The following PLCD3 variants were observed in gnomAD, a reference collection of about 807,000 sequenced individuals.
PLCD3 encodes phospholipase C delta 3, also known as 1-phosphatidylinositol 4,5-bisphosphate phosphodiesterase delta-3.
Under a neutral mutation model 82.8 loss-of-function variants are expected in PLCD3, and 62 were observed. The observed-to-expected ratio is 0.75, with a 90% confidence interval of 0.61 to 0.93. PLCD3 has a LOEUF of 0.93. Among genes scored for constraint, PLCD3 ranks in the 40% least tolerant of loss-of-function variants. The pLI is 0.00. For missense variants in PLCD3, 1,023 were observed against 1,103.4 expected, an observed-to-expected ratio of 0.93 and a Z score of 1.03; for synonymous variants, 478 against 471.8, an observed-to-expected ratio of 1.01 and a Z score of -0.17.
Position 45,109,917 on chromosome 17 carries a change from AAC to A in PLCD3, c.*2697_*2698del, listed in dbSNP as rs1337120112. 2.6e-5 allele frequency: 4 copies of A among 151,938 alleles called. No homozygotes were observed. The highest frequency in any genetic ancestry group is 5.9e-5 in the Non-Finnish European group (4 of 68,038). 9.4% of individuals were successfully genotyped at this position (151,938 alleles called of 1,614,324 possible). On this transcript the variant is annotated 3_prime_UTR_variant, in exon 15 of 15. Coordinates refer to ENST00000619929, the MANE Select transcript of PLCD3 (RefSeq NM_133373.5). ...ACTATGAAACCCTGTCTCTACTAAA[AAC>A]ACAAAAAAATTAGCCGGGCATGGTG...
chr17:45,121,450 T>A (rs2054340355), intron 1 of PLCD3, 78 bp from the exon 2 acceptor site: 3 of 1,414,232 alleles, frequency 2.1e-6, no homozygotes, highest in African/African-American at 3.0e-5. Context: ...TAGGACCTGC[T>A]GCCCCATCCT....
Position 45,128,787 on chromosome 17 carries a change from A to C in PLCD3, c.163+3461T>G, listed in dbSNP as rs138291949. 1.8e-3 allele frequency among the ~76,000 whole-genome samples: 268 copies of C among 152,368 alleles called. 4 individuals are homozygous for C. The East Asian group carries it at 0.049, about 28-fold the overall frequency. ...TAATTTTTTAGTATAAATACATTCCATATTCCGCATTTAGCGGAATTCCAA... is the reference window on the plus strand; with the variant it reads ...TAATTTTTTAGTATAAATACATTCCCTATTCCGCATTTAGCGGAATTCCAA... On this transcript the variant is annotated intron_variant, in intron 1 of 14. Transcript: ENST00000619929.
In PLCD3 at chr17:45,115,159, G is replaced by A. The variant is rs369713593; in HGVS notation, c.1646C>T (p.Ala549Val). 8 of 1,598,458 alleles carry A rather than the reference G, an allele frequency of 5.0e-6. No individual in the cohort carries two copies. In the African/African-American group the frequency reaches 9.4e-5, roughly 19 times the overall value. The change falls in exon 10 of 15, where the codon GCC becomes GTC. Residue 549 changes from alanine (A) to valine (V), a missense_variant. Coordinates refer to ENST00000619929, the MANE Select transcript of PLCD3 (RefSeq NM_133373.5). ...GGAGCTGACCTGGCAGGGTTGTGGG[G>A]CGTTGGGGGCAGGGTGCAGGGTCCG... ...RLRTLHPAPN[A>V]PQPCQVSSLS... is the part of the protein sequence containing the mutation.
In PLCD3 at chr17:45,111,262, C is replaced by G. The variant is rs967056522; in HGVS notation, c.*1354G>C. 6.6e-6 allele frequency: 1 copy of G among 152,172 alleles called. No homozygotes were observed. Among genetic ancestry groups the G allele is most frequent in the African/African-American group, 2.4e-5 (1 of 41,434 alleles). The allele number at this position is 152,172 out of a possible 1,614,324, so 9.4% of individuals were successfully genotyped here. A position where few individuals can be genotyped will look rare whatever the true frequency, so the allele number is the denominator to read the frequency against. ...GGGAAGCCCGTGTCCTTGGGATTTGCCCTACTGAGCAGACAGGGGCCTTGA... is the reference window on the plus strand; with the variant it reads ...GGGAAGCCCGTGTCCTTGGGATTTGGCCTACTGAGCAGACAGGGGCCTTGA... On this transcript the variant is annotated 3_prime_UTR_variant, in exon 15 of 15. Transcript: ENST00000619929.
At chr17:45,130,017 C>A (rs1799738417) in intron 1 of PLCD3, among the ~76,000 whole-genome samples, 1 of 152,212 alleles carries the variant, frequency 6.6e-6, no homozygotes, top group Non-Finnish European at 1.5e-5. Context: ...CAGGCCTAGG[C>A]CTTGGCCTCT....
rs1443279215 is a variant in PLCD3 at position 45,114,204 on chromosome 17, A to T, written c.1828+46T>A. The T allele has an allele frequency of 6.3e-6, 9 of 1,439,114 alleles. No homozygotes were observed. In the South Asian group the frequency reaches 1.2e-4, roughly 19 times the overall value. The allele number at this position is 1,439,114 out of a possible 1,614,324, so 89.1% of individuals were successfully genotyped here. A position where few individuals can be genotyped will look rare whatever the true frequency, so the allele number is the denominator to read the frequency against. Reference sequence around the variant, plus strand: ...GCCCCTCACTGCTGAGGCCTCCCCCACACTGTGGCACCCCGCCTGCTCTCA... The same window carrying T: ...GCCCCTCACTGCTGAGGCCTCCCCCTCACTGTGGCACCCCGCCTGCTCTCA... On this transcript the variant is annotated intron_variant, in intron 11 of 14. Coordinates refer to ENST00000619929, the MANE Select transcript of PLCD3 (RefSeq NM_133373.5).
At position 45,118,966 on chromosome 17, in the gene PLCD3, C is replaced by T. The variant is rs761653553; in HGVS notation, c.762G>A (p.Pro254=). The part of the protein sequence containing the change: ...EEFLRRLLKR[P]ELEEIFHQYS... ...ACTGATGGAAGATCTCCTCCAGCTCCGGCCGCTTCAGCAGCCGCCGCAGGA... is the reference window on the plus strand; with the variant it reads ...ACTGATGGAAGATCTCCTCCAGCTCTGGCCGCTTCAGCAGCCGCCGCAGGA... Residue 254 remains proline (P), a synonymous_variant, in exon 5 of 15, where the codon CCG becomes CCA. Transcript: ENST00000619929. This position sits in a 1 kb window ranked among gnomAD's most constrained non-coding sequence, Gnocchi z 4.1. 7.7e-5 allele frequency: 124 copies of T among 1,611,896 alleles called. No homozygotes were observed. The highest frequency in any genetic ancestry group is 9.2e-5 in the Non-Finnish European group (109 of 1,179,568).
At chr17:45,121,729 G>A (rs1341101156) in intron 1 of PLCD3, among the ~76,000 whole-genome samples, 2 of 152,148 alleles carry the variant, frequency 1.3e-5, no homozygotes, top group Non-Finnish European at 2.9e-5. Context: ...GGTGGCTCAC[G>A]CCTATAATCT....
At chr17:45,117,427 G>C (rs1442303039) in intron 7 of PLCD3, among the ~76,000 whole-genome samples, 1 of 152,094 alleles carries the variant, frequency 6.6e-6, no homozygotes, top group Non-Finnish European at 1.5e-5. Context: ...TATTTTTGTT[G>C]AGACAGGATG....
intron 7 of PLCD3, 90 bp downstream of exon 7, chr17:45,117,904 C>T (rs1024600341): frequency 6.6e-7 from 1 of 1,515,490 alleles, no homozygotes; most frequent in African/African-American, 1.4e-5. Flanking sequence ...AGGGTTTCCT[C>T]TGGAAGGACG....
chr17:45,126,632 A>G (rs1334025015), intron 1 of PLCD3, among the ~76,000 whole-genome samples: 1 of 151,104 alleles, frequency 6.6e-6, no homozygotes, highest in Non-Finnish European at 1.5e-5. Context: ...AAGTTTAATG[A>G]TATAATATGC....
chr17:45,111,142 T>C lies in PLCD3; in HGVS notation c.*1474A>G, dbSNP rs571740614. On this transcript the variant is annotated 3_prime_UTR_variant, in exon 15 of 15. Coordinates refer to ENST00000619929, the MANE Select transcript of PLCD3 (RefSeq NM_133373.5). ...GGTGCAGGATTTTCTCCAGATTCTG[T>C]CGCCTAGTGTCCAGTGCGCTCTCCT... 2 of 152,350 alleles carry C rather than the reference T, an allele frequency of 1.3e-5. No individual in the cohort carries two copies. The highest frequency in any genetic ancestry group is 4.8e-5 in the African/African-American group (2 of 41,570). 9.4% of individuals were successfully genotyped at this position (152,350 alleles called of 1,614,324 possible).
intron 1 of PLCD3, among the ~76,000 whole-genome samples, chr17:45,124,319 G>A (rs1021831858): frequency 2.0e-5 from 3 of 152,252 alleles, no homozygotes; most frequent in African/African-American, 7.2e-5. Flanking sequence ...TCCCAATGGA[G>A]GGGGCCCCTA....
chr17:45,121,970 A>AAG lies in PLCD3; in HGVS notation c.164-599_164-598insCT, dbSNP rs2054344895. On this transcript the variant is annotated intron_variant, in intron 1 of 14. Transcript: ENST00000619929. ...AGACTGCGTCTTAACAAAAAAAAAA[A>AAG]AAAATTGCCTTTTCTGCCACTATCC... Among the ~76,000 whole-genome samples, 3 of 151,814 alleles carry AAG rather than the reference A, an allele frequency of 2.0e-5. No homozygotes were observed. The South Asian group carries it at 6.2e-4, about 32-fold the overall frequency.
Position 45,112,263 on chromosome 17 carries a change from A to C in PLCD3, c.*353T>G. The C allele has an allele frequency of 3.5e-6, 1 of 282,794 alleles. No homozygotes were observed. The highest frequency in any genetic ancestry group is 6.9e-6 in the Non-Finnish European group (1 of 145,282). The allele number at this position is 282,794 out of a possible 1,614,324, so 17.5% of individuals were successfully genotyped here. ...AGGCTGGGATGGCCCACGGGAGGAC[A>C]GAGGGGAACTGAGGGCCCACAAGTG... On this transcript the variant is annotated 3_prime_UTR_variant, in exon 15 of 15. Coordinates refer to ENST00000619929, the MANE Select transcript of PLCD3 (RefSeq NM_133373.5).
Position 45,115,078 on chromosome 17 carries a change from GTGCCCCAGCTCCTACC to G in PLCD3, c.1711_1711+15del, listed in dbSNP as rs770863108. ...TCACCCTCTCGCCCCCAGACACCCAGTGCCCCAGCTCCTACCTGCCTCCCGAATGAGTTTCTTGGCT... is the reference window on the plus strand; with the variant it reads ...TCACCCTCTCGCCCCCAGACACCCAGTGCCTCCCGAATGAGTTTCTTGGCT... On this transcript the variant is annotated splice_donor_variant and splice_donor_5th_base_variant and coding_sequence_variant and intron_variant, in exon 10 of 15. Transcript: ENST00000619929. LOFTEE classifies it high-confidence loss of function. 3 of 1,587,728 alleles carry G rather than the reference GTGCCCCAGCTCCTACC, an allele frequency of 1.9e-6. No homozygotes were observed. The African/African-American group carries it at 4.0e-5, about 21-fold the overall frequency.
intron 11 of PLCD3, among the ~76,000 whole-genome samples, chr17:45,113,850 C>T (rs767520752): frequency 1.3e-5 from 2 of 151,984 alleles, no homozygotes; most frequent in African/African-American, 2.4e-5. Flanking sequence ...ACCCTCAGGG[C>T]CAGGCTTGGG....
intron 3 of PLCD3, among the ~76,000 whole-genome samples, 185 bp from the exon 4 acceptor site, chr17:45,120,639 G>T (rs1030362278): frequency 6.6e-6 from 1 of 152,192 alleles, no homozygotes; most frequent in Non-Finnish European, 1.5e-5. Context: ...GCTTACCAAA[G>T]ACAGGAGGCC....
chr17:45,118,019 T>C lies in PLCD3; in HGVS notation c.1235A>G (p.Gln412Arg). ...CGTGAAGGCATGGTCGCGCACGGCT[T>C]GGACCACGTCCCGGAAGAGAATCTT... ...TSKILFRDVV[Q>R]AVRDHAFTLS... Residue 412 changes from glutamine to arginine, a missense_variant, in exon 7 of 15, where the codon CAA becomes CGA. By Grantham distance (43) the Gln-to-Arg change is conservative (BLOSUM62 1). Coordinates refer to ENST00000619929, the MANE Select transcript of PLCD3 (RefSeq NM_133373.5). The surrounding 1 kb of genome is among the most constrained non-coding windows in gnomAD (Gnocchi z 4.1). The C allele has an allele frequency of 6.2e-7, 1 of 1,613,678 alleles. No homozygotes were observed. The highest frequency in any genetic ancestry group is 8.5e-7 in the Non-Finnish European group (1 of 1,179,784).
Sources: allele counts gnomAD v4.1 joint callset (sites outside exome capture counted in the v4.1 genomes callset), GRCh38; gene constraint gnomAD v4.1.1; non-coding constraint Gnocchi (gnomAD v3.1); transcripts MANE v1.5; gene names NCBI Gene and HGNC (gene_info 2026-07-23, HGNC 2026-07-21).